EPS8: variants seen among roughly 807,000 people sequenced by gnomAD.
EPS8 encodes EGFR pathway substrate 8, signaling adaptor.
A neutral mutation model predicts 103.8 loss-of-function variants in EPS8; 42 were observed. That is an observed-to-expected ratio of 0.40 (90% CI 0.32 to 0.52). The LOEUF is 0.52. EPS8 is among the 20% of genes least tolerant of loss of function. The probability of loss-of-function intolerance (pLI) is 0.40; values close to 1 mark genes in which losing one functional copy is unlikely to be tolerated. For synonymous variants in EPS8, 344 were observed against 344.6 expected (o/e 1.00, Z 0.02); for missense variants, 969 against 1,005.1 (o/e 0.96, Z 0.49).
intron 1 of EPS8, among the ~76,000 whole-genome samples, chr12:15,765,168 G>A (rs542187052): frequency 1.3e-5 from 2 of 152,104 alleles, no homozygotes; most frequent in South Asian, 2.1e-4. Flanking sequence ...CTCACACCAG[G>A]CAGACTTTAA....
chr12:15,639,322 TA>T (rs1239583808), intron 17 of EPS8, among the ~76,000 whole-genome samples: 1 of 151,914 alleles, frequency 6.6e-6, no homozygotes, highest in Non-Finnish European at 1.5e-5. Flanking sequence ...TTATATTAGG[TA>T]AACAGATATT....
rs747627038 is a variant in EPS8, at chr12:15,725,642, T to C, written c.-21-42670A>G. ...TATGGTGATTCACTCACCACCACAG[T>C]ATCAACCTTGGACATTAGACCTGTA... On this transcript the variant is annotated intron_variant, in intron 1 of 20. Coordinates refer to ENST00000281172, the MANE Select transcript of EPS8 (RefSeq NM_004447.6). This position sits in a 1 kb window ranked among gnomAD's most constrained non-coding sequence, Gnocchi z 4.5. Among the ~76,000 whole-genome samples the C allele has an allele frequency of 4.6e-5, 7 of 152,148 alleles. No homozygotes were observed. Among genetic ancestry groups the C allele is most frequent in the Non-Finnish European group, 7.4e-5 (5 of 68,024 alleles).
In EPS8 at chr12:15,764,272, C is replaced by T. The variant is rs971819618; in HGVS notation, c.-22+24889G>A. Among the ~76,000 whole-genome samples, 3 of 152,176 alleles carry T rather than the reference C, an allele frequency of 2.0e-5. No homozygotes were observed. Among genetic ancestry groups the T allele is most frequent in the African/African-American group, 7.2e-5 (3 of 41,442 alleles). On this transcript the variant is annotated intron_variant, in intron 1 of 20. Transcript: ENST00000281172. The surrounding 1 kb of genome is among the most constrained non-coding windows in gnomAD (Gnocchi z 4.1). The stretch of plus-strand genomic sequence containing the variant: ...CCACCCCCATGATTCAGTTACCTCC[C>T]ACCGGGTCCCTCTCATGACACATGG...
At position 15,769,995 on chromosome 12, in the gene EPS8, T is replaced by C. The variant is rs1464119188; in HGVS notation, c.-22+19166A>G. On this transcript the variant is annotated intron_variant, in intron 1 of 20. Coordinates refer to ENST00000281172, the MANE Select transcript of EPS8 (RefSeq NM_004447.6). The surrounding 1 kb of genome is among the most constrained non-coding windows in gnomAD (Gnocchi z 4.6). ...TCTCGCTCTTTCACCCATGCTGCAG[T>C]GTAGTGGCATGATCTTGGCTCATTG... Among the ~76,000 whole-genome samples the C allele has an allele frequency of 6.6e-6, 1 of 150,800 alleles. No individual in the cohort carries two copies. Among genetic ancestry groups the C allele is most frequent in the African/African-American group, 2.4e-5 (1 of 41,128 alleles).
At chr12:15,660,206 C>A (rs1401958839) in intron 10 of EPS8, among the ~76,000 whole-genome samples, 1 of 152,030 alleles carries the variant, frequency 6.6e-6, no homozygotes, top group East Asian at 1.9e-4. Context: ...AGAAGAGGAA[C>A]CCTAGTCCAC....
rs1054483004 is a variant in EPS8 at position 15,784,910 on chromosome 12, A to G, written c.-22+4251T>C. ...CAATTATACAACATCTGGAAAAGGC[A>G]AAAGTAAAGAGACAGTAAAAAGATA... On this transcript the variant is annotated intron_variant, in intron 1 of 20. Transcript: ENST00000281172. The surrounding 1 kb of genome is among the most constrained non-coding windows in gnomAD (Gnocchi z 4.0). 1.1e-4 allele frequency among the ~76,000 whole-genome samples: 17 copies of G among 152,118 alleles called. No individual in the cohort carries two copies. The highest frequency in any genetic ancestry group is 3.9e-4 in the African/African-American group (16 of 41,444).
rs930124438 is a variant in EPS8 at position 15,760,397 on chromosome 12, C to T, written c.-22+28764G>A. ...CATTTAAAGAAGAATTAATACGAAT[C>T]CTACTCAAACTATTCTGAAAACATA... On this transcript the variant is annotated intron_variant, in intron 1 of 20. Coordinates refer to ENST00000281172, the MANE Select transcript of EPS8 (RefSeq NM_004447.6). This position sits in a 1 kb window ranked among gnomAD's most constrained non-coding sequence, Gnocchi z 4.5. 8.6e-5 allele frequency among the ~76,000 whole-genome samples: 13 copies of T among 152,032 alleles called. No homozygotes were observed. Among genetic ancestry groups the T allele is most frequent in the Non-Finnish European group, 1.8e-4 (12 of 67,936 alleles).
chr12:15,768,961 C>G (rs1007646609), intron 1 of EPS8, among the ~76,000 whole-genome samples: 13 of 152,108 alleles, frequency 8.5e-5, no homozygotes, highest in African/African-American at 3.1e-4. Flanking sequence ...ATTATAATCA[C>G]CTGAGCTTTT....
intron 19 of EPS8, 139 bp from the exon 20 acceptor site, chr12:15,623,426 G>C: frequency 1.5e-6 from 1 of 662,944 alleles, no homozygotes; most frequent in Non-Finnish European, 2.5e-6. Flanking sequence ...TGCCACTACA[G>C]TCTTTATAGT....
At chr12:15,724,401 A>G (rs565289178) in intron 1 of EPS8, among the ~76,000 whole-genome samples, 36 of 152,252 alleles carry the variant, frequency 2.4e-4, no homozygotes, top group African/African-American at 7.5e-4. Flanking sequence ...GTCACTTTGT[A>G]TGAGTCTTAT....
intron 3 of EPS8, among the ~76,000 whole-genome samples, chr12:15,674,020 C>T (rs182260837): frequency 6.6e-6 from 1 of 152,116 alleles, no homozygotes; most frequent in Admixed American, 6.6e-5. Context: ...TATTTACATA[C>T]AATTTTATCA....
At position 15,769,831 on chromosome 12, in the gene EPS8, T is replaced by C. The variant is rs936324565; in HGVS notation, c.-22+19330A>G. On this transcript the variant is annotated intron_variant, in intron 1 of 20. Transcript: ENST00000281172. The surrounding 1 kb of genome is among the most constrained non-coding windows in gnomAD (Gnocchi z 4.6). ...TTCTGACCAAAGTCATGTTTTATTATTTCTCAGATGTATTCTGCAGTTATG... is the reference window on the plus strand; with the variant it reads ...TTCTGACCAAAGTCATGTTTTATTACTTCTCAGATGTATTCTGCAGTTATG... Among the ~76,000 whole-genome samples the C allele has an allele frequency of 1.3e-5, 2 of 152,218 alleles. No individual in the cohort carries two copies. The highest frequency in any genetic ancestry group is 2.9e-5 in the Non-Finnish European group (2 of 68,028).
At chr12:15,623,797 T>C (rs898792766) in intron 19 of EPS8, among the ~76,000 whole-genome samples, 2 of 152,216 alleles carry the variant, frequency 1.3e-5, no homozygotes, top group African/African-American at 2.4e-5. Context: ...AAGATTATAA[T>C]TGATGCTAGG....
intron 1 of EPS8, among the ~76,000 whole-genome samples, chr12:15,708,193 T>C (rs572863804): frequency 1.2e-4 from 19 of 152,360 alleles, no homozygotes; most frequent in Non-Finnish European, 2.5e-4. Flanking sequence ...GATTCAAGAA[T>C]TGGCTCTGCC....
chr12:15,653,566 C>T (rs1297068957), intron 13 of EPS8, among the ~76,000 whole-genome samples: 2 of 152,134 alleles, frequency 1.3e-5, no homozygotes, highest in African/African-American at 4.8e-5. Flanking sequence ...GGCCCTTGCC[C>T]TACTATGGAA....
At chr12:15,641,974 T>TGTAATGTA (rs1331987478) in intron 15 of EPS8, 144 bp from the exon 16 acceptor site, 6 of 427,030 alleles carry the variant, frequency 1.4e-5, no homozygotes, top group African/African-American at 2.1e-5. Flanking sequence ...TACATTATGA[T>TGTAATGTA]AAATAAAAGT....
intron 3 of EPS8, among the ~76,000 whole-genome samples, chr12:15,678,570 A>G (rs1287602069): frequency 3.3e-5 from 5 of 152,202 alleles, no homozygotes; most frequent in African/African-American, 1.2e-4. Context: ...TGACTTTGAT[A>G]ATCATCTAAC....
In EPS8 at chr12:15,666,463, C is replaced by T; in HGVS notation, c.576G>A (p.Gln192=). 1.2e-6 allele frequency: 2 copies of T among 1,613,902 alleles called. No homozygotes were observed. Among genetic ancestry groups the T allele is most frequent in the Non-Finnish European group, 1.7e-6 (2 of 1,179,778 alleles). Residue 192 remains glutamine (Q), a synonymous_variant, in exon 7 of 21, where the codon CAG becomes CAA. Coordinates refer to ENST00000281172, the MANE Select transcript of EPS8 (RefSeq NM_004447.6). ...ACCTCAGGGCGTCGGGCCGCCTCTT[C>T]TGTTTCCCTCCTTTACTGTCACTGA... The part of the protein sequence containing the change: ...SAISDSKGGK[Q]KRRPDALRMI...
chr12:15,670,087 T>G (rs1430513074), intron 4 of EPS8, among the ~76,000 whole-genome samples: 1 of 152,184 alleles, frequency 6.6e-6, no homozygotes, highest in African/African-American at 2.4e-5. Context: ...TACATAAACA[T>G]GACATTAAAA....
Sources: allele counts gnomAD v4.1 joint callset (sites outside exome capture counted in the v4.1 genomes callset), GRCh38; gene constraint gnomAD v4.1.1; non-coding constraint Gnocchi (gnomAD v3.1); transcripts MANE v1.5; gene names NCBI Gene and HGNC (gene_info 2026-07-23, HGNC 2026-07-21).